Variants in ZFR observed in about 807,000 individuals in gnomAD.
ZFR encodes the protein zinc finger RNA binding protein.
Under a neutral mutation model 130.7 loss-of-function variants are expected in ZFR, and 19 were observed. The ratio of observed to expected loss-of-function variants is 0.15; its 90% CI spans 0.10 to 0.21. The LOEUF is 0.21. ZFR is among the 10% of genes least tolerant of loss of function. The probability of loss-of-function intolerance (pLI) is 1.00; values close to 1 mark genes in which losing one functional copy is unlikely to be tolerated. For missense variants in ZFR, 872 were observed against 1,321.5 expected, an observed-to-expected ratio of 0.66 and a Z score of 5.27; for synonymous variants, 466 against 456.9, an observed-to-expected ratio of 1.02 and a Z score of -0.25.
At chr5:32,370,034 G>A (rs987870608) in intron 17 of ZFR, among the ~76,000 whole-genome samples, 6 of 150,912 alleles carry the variant, frequency 4.0e-5, no homozygotes, top group African/African-American at 1.5e-4. Flanking sequence ...GACCTTTTGA[G>A]CCTGGATTCT....
rs183032440 is a variant in ZFR at position 32,392,898 on chromosome 5, G to A, written c.1979+2261C>T. ...TAATCCCAACTACTTGGGAGGCTGA[G>A]GCAAGAGAATCACTTAAACTCAGGA... On this transcript the variant is annotated intron_variant, in intron 11 of 19. Transcript: ENST00000265069. Among the ~76,000 whole-genome samples the A allele has an allele frequency of 3.9e-5, 6 of 152,308 alleles. No homozygotes were observed. The East Asian group carries it at 1.2e-3, about 29-fold the overall frequency.
chr5:32,387,344 T>C (rs1048237367), intron 14 of ZFR, among the ~76,000 whole-genome samples: 1 of 152,168 alleles, frequency 6.6e-6, no homozygotes, highest in African/African-American at 2.4e-5. Context: ...GATGGCTTCA[T>C]GCCAAATATA....
rs569026744 is a variant in ZFR, at chr5:32,406,417, AG to A, written c.1032+356del. On this transcript the variant is annotated intron_variant, in intron 6 of 19. Transcript: ENST00000265069. ...TATTAAGTTAAAGAATTTTGAATAAAGGCTTTGGCAAGTAAGTTACAGATGC... is the reference window on the plus strand; with the variant it reads ...TATTAAGTTAAAGAATTTTGAATAAAGCTTTGGCAAGTAAGTTACAGATGC... Among the ~76,000 whole-genome samples the A allele has an allele frequency of 1.4e-3, 213 of 152,344 alleles. 1 individual carries two copies. Among genetic ancestry groups the A allele is most frequent in the African/African-American group, 5.0e-3 (210 of 41,588 alleles).
At chr5:32,356,026 C>T (rs1255497296) in intron 19 of ZFR, 87 bp from the exon 20 acceptor site, 2 of 1,059,040 alleles carry the variant, frequency 1.9e-6, no homozygotes, top group Non-Finnish European at 2.6e-6. Context: ...CAAATGCAAC[C>T]TAAAAAAGCA....
At chr5:32,381,177 A>G (rs1038358620) in intron 15 of ZFR, among the ~76,000 whole-genome samples, 1 of 152,304 alleles carries the variant, frequency 6.6e-6, no homozygotes, top group Non-Finnish European at 1.5e-5. Flanking sequence ...TAGGGTCTTT[A>G]AGCTGATTAA....
At chr5:32,385,039 A>G (rs143763979) in intron 15 of ZFR, among the ~76,000 whole-genome samples, 64 of 152,180 alleles carry the variant, frequency 4.2e-4, no homozygotes, top group African/African-American at 1.5e-3. Flanking sequence ...TATTATATAT[A>G]TATGTATAAA....
At chr5:32,363,911 T>G in intron 19 of ZFR, 37 bp downstream of exon 19, 1 of 1,546,922 alleles carries the variant, frequency 6.5e-7, no homozygotes, top group Non-Finnish European at 8.9e-7. Context: ...CTTAATGGAG[T>G]AACCCAATAG....
intron 4 of ZFR, 130 bp downstream of exon 4, chr5:32,417,518 G>T (rs1753853293): frequency 4.5e-6 from 5 of 1,116,328 alleles, no homozygotes; most frequent in East Asian, 2.4e-5. Flanking sequence ...TAGTAGGACA[G>T]GTCTAGAACC....
chr5:32,423,781 T>C (rs1054742585), intron 2 of ZFR, among the ~76,000 whole-genome samples: 1 of 151,984 alleles, frequency 6.6e-6, no homozygotes, highest in Admixed American at 6.6e-5. Context: ...GACAAAAAGA[T>C]CCTGTCTCCA....
intron 15 of ZFR, among the ~76,000 whole-genome samples, chr5:32,382,861 A>T (rs1752962511): frequency 6.6e-6 from 1 of 152,112 alleles, no homozygotes; most frequent in African/African-American, 2.4e-5. Context: ...CCCATTTTCT[A>T]TTTCAAGTAG....
At chr5:32,401,836 G>C (rs896990683) in intron 8 of ZFR, among the ~76,000 whole-genome samples, 4 of 152,202 alleles carry the variant, frequency 2.6e-5, no homozygotes, top group African/African-American at 9.6e-5. Context: ...CAATGGCAAC[G>C]AAGAAGTTTT....
intron 12 of ZFR, among the ~76,000 whole-genome samples, chr5:32,389,866 T>C (rs1394869734): frequency 6.6e-6 from 1 of 152,228 alleles, no homozygotes; most frequent in East Asian, 1.9e-4. Flanking sequence ...AAAACTTGTA[T>C]CAAGCTGGGT....
At chr5:32,378,721 T>G (rs536132231) in intron 17 of ZFR, among the ~76,000 whole-genome samples, 1 of 152,134 alleles carries the variant, frequency 6.6e-6, no homozygotes, top group Non-Finnish European at 1.5e-5. Context: ...TTTTGAATAA[T>G]ATGTATTTCT....
At chr5:32,426,905 A>G (rs1026889171) in intron 2 of ZFR, among the ~76,000 whole-genome samples, 1 of 1,488 alleles carries the variant, frequency 6.7e-4, no homozygotes, top group Non-Finnish European at 1.7e-3. Context: ...ACTCTTTCTG[A>G]AAAAAAAAAA....
rs576668360 is a variant in ZFR at position 32,354,617 on chromosome 5, TTC to T, written c.*1141_*1142del. 56 of 152,680 alleles carry T rather than the reference TTC, an allele frequency of 3.7e-4. No individual in the cohort carries two copies. The highest frequency in any genetic ancestry group is 1.1e-3 in the African/African-American group (44 of 41,512). The allele number at this position is 152,680 out of a possible 1,614,324, so 9.5% of individuals were successfully genotyped here. On this transcript the variant is annotated 3_prime_UTR_variant, in exon 20 of 20. Transcript: ENST00000265069. ...GGTAAGATGGCCACACCAAATAATTTTCTGTTTTTTTCCTTAGATAATTTTTT... is the reference window on the plus strand; with the variant it reads ...GGTAAGATGGCCACACCAAATAATTTTGTTTTTTTCCTTAGATAATTTTTT...
intron 17 of ZFR, among the ~76,000 whole-genome samples, chr5:32,377,409 T>C (rs2111701339): frequency 6.6e-6 from 1 of 151,478 alleles, no homozygotes; most frequent in Non-Finnish European, 1.5e-5. Context: ...CTTGATCTTC[T>C]GACCTTGTGA....
chr5:32,414,818 G>T, intron 5 of ZFR, 151 bp downstream of exon 5: 3 of 622,276 alleles, frequency 4.8e-6, no homozygotes, highest in South Asian at 2.3e-5. Context: ...ACAATTTACA[G>T]AACAGTCACA....
At chr5:32,414,458 G>A (rs1458512264) in intron 5 of ZFR, among the ~76,000 whole-genome samples, 1 of 152,112 alleles carries the variant, frequency 6.6e-6, no homozygotes, top group Non-Finnish European at 1.5e-5. Context: ...ATTATTTAAG[G>A]AAAATAAAGG....
chr5:32,429,899 C>G (rs1296639518), intron 2 of ZFR, among the ~76,000 whole-genome samples: 1 of 151,498 alleles, frequency 6.6e-6, no homozygotes, highest in Non-Finnish European at 1.5e-5. Flanking sequence ...GGAGGCCCTG[C>G]CTTTAAAAAA....
Sources: allele counts gnomAD v4.1 joint callset (sites outside exome capture counted in the v4.1 genomes callset), GRCh38; gene constraint gnomAD v4.1.1; transcripts MANE v1.5; gene names NCBI Gene and HGNC (gene_info 2026-07-23, HGNC 2026-07-21).